UBXN2A: variants seen among roughly 807,000 people sequenced by gnomAD.
The protein encoded by UBXN2A is UBX domain protein 2A, also known as UBX domain-containing protein 2A.
In UBXN2A, 28 loss-of-function variants were observed where a neutral mutation model predicts 28.4. The ratio of observed to expected loss-of-function variants is 0.99; its 90% CI spans 0.73 to 1.35. UBXN2A has a LOEUF of 1.35. Ranked by LOEUF, UBXN2A falls within the 40% of genes most tolerant of loss-of-function variation. UBXN2A has a pLI of 0.00. For synonymous variants in UBXN2A, 97 were observed against 103.6 expected, an observed-to-expected ratio of 0.94 and a Z score of 0.39; for missense variants, 253 against 297.9, an observed-to-expected ratio of 0.85 and a Z score of 1.11.
chr2:23,988,122 CAAAAAAA>C (rs34140980), intron 6 of UBXN2A, among the ~76,000 whole-genome samples: 1 of 121,046 alleles, frequency 8.3e-6, no homozygotes. Context: ...GGCTCCATCT[CAAAAAAA>C]AAAAAAAAAA....
Position 23,999,836 on chromosome 2 carries a change from C to A in UBXN2A, c.749C>A (p.Thr250Asn), listed in dbSNP as rs1708674877. The change falls in exon 7 of 7, where the codon ACT becomes AAT. Residue 250 changes from threonine (T) to asparagine (N), a missense_variant. Physicochemically the swap from Thr to Asn is moderately conservative, Grantham distance 65 (BLOSUM62 0). Coordinates refer to ENST00000309033, the MANE Select transcript of UBXN2A (RefSeq NM_181713.4). ...GTCATCATTCAGAGACTCCAAAAAA[C>A]TGCATCTTTTAGAGAACTTTCAGAG... ...NAVIIQRLQK[T>N]ASFRELSEH The A allele has an allele frequency of 1.2e-6, 2 of 1,612,458 alleles. No individual in the cohort carries two copies. Among genetic ancestry groups the A allele is most frequent in the African/African-American group, 2.7e-5 (2 of 74,838 alleles).
Position 24,002,943 on chromosome 2 carries a change from G to T in UBXN2A, c.*3076G>T, listed in dbSNP as rs1377868688. 6.6e-6 allele frequency: 1 copy of T among 152,190 alleles called. No homozygotes were observed. The allele number at this position is 152,190 out of a possible 1,614,324, so 9.4% of individuals were successfully genotyped here. A position where few individuals can be genotyped will look rare whatever the true frequency, so the allele number is the denominator to read the frequency against. On this transcript the variant is annotated 3_prime_UTR_variant, in exon 7 of 7. Transcript: ENST00000309033. ...ATGAAAAACGTTTTGACTTCACAGT[G>T]CCCTGAATGGGTCTTGGGAATCTCC...
intron 4 of UBXN2A, among the ~76,000 whole-genome samples, chr2:23,977,686 T>C (rs77613368): frequency 0.02 from 2,974 of 152,290 alleles, 39 homozygotes; most frequent in Non-Finnish European, 0.031. Context: ...GAATGAGTAA[T>C]CTTTGTAATC....
At chr2:23,934,089 G>A (rs11892262) in intron 1 of UBXN2A, among the ~76,000 whole-genome samples, 9,820 of 151,964 alleles carry the variant, frequency 0.065, 409 homozygotes, top group African/African-American at 0.12. Flanking sequence ...GGTGGTGCAC[G>A]CCTGTAATCC....
chr2:23,999,981 A>G lies in UBXN2A; in HGVS notation c.*114A>G. On this transcript the variant is annotated 3_prime_UTR_variant, in exon 7 of 7. Transcript: ENST00000309033. ...TCACTAGACTTTTGGTTCGAGTACTATTGAACTCTCTCCTGATGAGAAGAT... is the reference window on the plus strand; with the variant it reads ...TCACTAGACTTTTGGTTCGAGTACTGTTGAACTCTCTCCTGATGAGAAGAT... 1.0e-6 allele frequency: 1 copy of G among 964,226 alleles called. No homozygotes were observed. The highest frequency in any genetic ancestry group is 1.5e-6 in the Non-Finnish European group (1 of 645,402). 59.7% of individuals were successfully genotyped at this position (964,226 alleles called of 1,614,324 possible). A position where few individuals can be genotyped will look rare whatever the true frequency, so the allele number is the denominator to read the frequency against.
chr2:23,932,469 C>G (rs908947667), intron 1 of UBXN2A, among the ~76,000 whole-genome samples: 4 of 152,112 alleles, frequency 2.6e-5, no homozygotes, highest in African/African-American at 9.7e-5. Context: ...AATAAATGCA[C>G]CAACCTTCAC....
chr2:23,936,072 T>C (rs1705516359), upstream of UBXN2A, among the ~76,000 whole-genome samples: 1 of 151,796 alleles, frequency 6.6e-6, no homozygotes, highest in African/African-American at 2.4e-5. Flanking sequence ...ATTAAATTAA[T>C]AAATAAATAT....
intron 1 of UBXN2A, among the ~76,000 whole-genome samples, chr2:23,930,785 A>G (rs1705343199): frequency 1.3e-5 from 2 of 152,184 alleles, no homozygotes; most frequent in African/African-American, 2.4e-5. Flanking sequence ...TAGAGAGGCC[A>G]AGGTAGGAGA....
chr2:23,997,497 G>C (rs1262333282), intron 6 of UBXN2A, among the ~76,000 whole-genome samples: 1 of 152,044 alleles, frequency 6.6e-6, no homozygotes, highest in African/African-American at 2.4e-5. Flanking sequence ...TGTCGCCCAG[G>C]CTGGAGTGCA....
intron 3 of UBXN2A, 75 bp downstream of exon 3, chr2:23,971,489 G>T: frequency 7.2e-7 from 1 of 1,395,756 alleles, no homozygotes; most frequent in Non-Finnish European, 9.5e-7. Context: ...GGTCCCTAAG[G>T]TCAAAATTGT....
chr2:23,948,402 G>A (rs758902031), intron 1 of UBXN2A, among the ~76,000 whole-genome samples: 16 of 150,808 alleles, frequency 1.1e-4, no homozygotes, highest in East Asian at 2.0e-4. Flanking sequence ...ACAGGCATGC[G>A]CCACCATGCC....
chr2:23,994,971 C>G (rs974725548), intron 6 of UBXN2A, among the ~76,000 whole-genome samples: 2 of 152,206 alleles, frequency 1.3e-5, no homozygotes, highest in Non-Finnish European at 2.9e-5. Context: ...AAGACTCCTC[C>G]ACATTGGCAG....
At chr2:23,933,398 C>T (rs1266298137) in intron 1 of UBXN2A, among the ~76,000 whole-genome samples, 2 of 151,940 alleles carry the variant, frequency 1.3e-5, no homozygotes, top group African/African-American at 2.4e-5. Context: ...CCCAGCTACT[C>T]GGGAGTCTGA....
At position 23,983,780 on chromosome 2, in the gene UBXN2A, ATCC is replaced by A. The variant is rs531150740; in HGVS notation, c.425+752_425+754del. Among the ~76,000 whole-genome samples the A allele has an allele frequency of 7.9e-5, 12 of 152,074 alleles. No individual in the cohort carries two copies. The East Asian group carries it at 2.3e-3, about 30-fold the overall frequency. ...AACTTCTGCCTCCCTGGTTCAAGCA[ATCC>A]TCCTGCCTCAGCCCCTCTAGTAGCT... On this transcript the variant is annotated intron_variant, in intron 5 of 6. Transcript: ENST00000309033.
chr2:23,944,679 T>G (rs1162031962), intron 1 of UBXN2A, among the ~76,000 whole-genome samples: 1 of 152,174 alleles, frequency 6.6e-6, no homozygotes, highest in African/African-American at 2.4e-5. Flanking sequence ...TCCTCCTTCC[T>G]GGGATATTGG....
intron 1 of UBXN2A, among the ~76,000 whole-genome samples, chr2:23,931,084 A>G (rs1705353176): frequency 6.6e-6 from 1 of 152,002 alleles, no homozygotes; most frequent in Admixed American, 6.6e-5. Flanking sequence ...TCTTTGCCTC[A>G]GGTTGCAGTG....
rs181644143 is a variant in UBXN2A at position 23,984,643 on chromosome 2, C to T, written c.426-30C>T. The T allele has an allele frequency of 1.0e-4, 148 of 1,427,024 alleles. No individual in the cohort carries two copies. In the African/African-American group the frequency reaches 1.9e-3, roughly 18 times the overall value. The allele number at this position is 1,427,024 out of a possible 1,614,324, so 88.4% of individuals were successfully genotyped here. On this transcript the variant is annotated intron_variant, in intron 5 of 6. Coordinates refer to ENST00000309033, the MANE Select transcript of UBXN2A (RefSeq NM_181713.4). ...ATAAAGTTTTATTGAATGGAAAAAA[C>T]GTCTAACTTTGTTGTCTGGATTTCC...
chr2:23,928,141 A>T (rs1441383220), intron 1 of UBXN2A, among the ~76,000 whole-genome samples: 1 of 151,114 alleles, frequency 6.6e-6, no homozygotes, highest in Non-Finnish European at 1.5e-5. Flanking sequence ...ACGCCACTGC[A>T]CTCCAGCCTG....
chr2:23,936,406 CAT>C (rs1194781762), upstream of UBXN2A, among the ~76,000 whole-genome samples: 5 of 151,862 alleles, frequency 3.3e-5, no homozygotes, highest in East Asian at 9.7e-4. Flanking sequence ...TGGGCAAATT[CAT>C]AGAGACAGAA....
Sources: gnomAD v4.1 joint callset for allele counts (sites outside exome capture counted in the v4.1 genomes callset) on GRCh38, gnomAD v4.1.1 for gene constraint, MANE v1.5 for transcripts, NCBI Gene and HGNC (gene_info 2026-07-23, HGNC 2026-07-21) for gene names.